Variants in SYT9 observed in about 807,000 individuals in gnomAD.
SYT9 encodes the protein synaptotagmin 9.
A neutral mutation model predicts 48.4 loss-of-function variants in SYT9; 22 were observed. That is an observed-to-expected ratio of 0.45 (90% CI 0.32 to 0.65). The LOEUF is 0.65. Ranked by LOEUF, SYT9 falls within the 30% of genes least tolerant of loss-of-function variation. SYT9 has a pLI of 0.03. For missense variants in SYT9, 577 were observed against 622.0 expected, an observed-to-expected ratio of 0.93 and a Z score of 0.77; for synonymous variants, 265 against 245.0, an observed-to-expected ratio of 1.08 and a Z score of -0.76.
intron 6 of SYT9, among the ~76,000 whole-genome samples, chr11:7,421,239 C>T (rs1006680062): frequency 2.6e-5 from 4 of 152,248 alleles, no homozygotes; most frequent in Admixed American, 2.0e-4. Context: ...TTCTGCCTCA[C>T]AGTCCCAGTG....
intron 3 of SYT9, among the ~76,000 whole-genome samples, chr11:7,348,402 C>A (rs1230723542): frequency 2.0e-5 from 3 of 152,200 alleles, no homozygotes; most frequent in Non-Finnish European, 2.9e-5. Context: ...CATTTCGGGT[C>A]AGTTTGCATC....
Position 7,381,929 on chromosome 11 carries a change from GGA to G in SYT9, c.1045-34111_1045-34110del, listed in dbSNP as rs1453440717. 2.6e-5 allele frequency among the ~76,000 whole-genome samples: 4 copies of G among 152,296 alleles called. No homozygotes were observed. The East Asian group carries it at 7.7e-4, about 29-fold the overall frequency. Reference sequence around the variant, plus strand: ...CACTGGTACTCCAGAAGCCTTTGGAGGAGGGGAATCCCAATCATGTGGGGAAG... The same window carrying G: ...CACTGGTACTCCAGAAGCCTTTGGAGGGGGAATCCCAATCATGTGGGGAAG... On this transcript the variant is annotated intron_variant, in intron 3 of 6. Transcript: ENST00000318881.
intron 1 of SYT9, among the ~76,000 whole-genome samples, chr11:7,291,329 G>C (rs1848693496): frequency 1.3e-5 from 2 of 152,212 alleles, no homozygotes; most frequent in South Asian, 2.1e-4. Flanking sequence ...CATGGTTTCA[G>C]TATTCATCAG....
chr11:7,386,678 G>T (rs1487851541), intron 3 of SYT9, among the ~76,000 whole-genome samples: 1 of 152,090 alleles, frequency 6.6e-6, no homozygotes, highest in East Asian at 1.9e-4. Flanking sequence ...GGAGAAATAG[G>T]AACACTTTTA....
intron 3 of SYT9, among the ~76,000 whole-genome samples, chr11:7,349,102 A>G (rs1849858739): frequency 6.6e-6 from 1 of 151,890 alleles, no homozygotes; most frequent in Non-Finnish European, 1.5e-5. Context: ...GTAGGTTTGG[A>G]ATAGGAGATT....
chr11:7,362,791 T>C (rs77384526), intron 3 of SYT9, among the ~76,000 whole-genome samples: 191 of 152,258 alleles, frequency 1.3e-3, no homozygotes, highest in African/African-American at 4.4e-3. Flanking sequence ...GATTTTAAAA[T>C]CCAATCAGTT....
At chr11:7,351,569 G>A (rs117098023) in intron 3 of SYT9, among the ~76,000 whole-genome samples, 3,170 of 152,228 alleles carry the variant, frequency 0.021, 44 homozygotes, top group Non-Finnish European at 0.033. Flanking sequence ...ATCTCCTTTT[G>A]TAAACACCAC....
chr11:7,294,406 T>C (rs539678590), intron 1 of SYT9, among the ~76,000 whole-genome samples: 1 of 152,304 alleles, frequency 6.6e-6, no homozygotes, highest in African/African-American at 2.4e-5. Context: ...CATCTAAATA[T>C]TATCTAAATT....
At chr11:7,316,475 G>A (rs1849245839) in intron 3 of SYT9, among the ~76,000 whole-genome samples, 1 of 151,966 alleles carries the variant, frequency 6.6e-6, no homozygotes, top group Admixed American at 6.6e-5. Flanking sequence ...GAGCAGCTGT[G>A]GCTTATGTAT....
At chr11:7,301,582 T>A (rs145155106) in intron 1 of SYT9, among the ~76,000 whole-genome samples, 178 of 152,364 alleles carry the variant, frequency 1.2e-3, no homozygotes, top group African/African-American at 4.2e-3. Context: ...TAATTTCTAA[T>A]TTTCTCCTTC....
chr11:7,417,847 AG>A, intron 4 of SYT9, 109 bp from the exon 5 acceptor site: 1 of 1,070,380 alleles, frequency 9.3e-7, no homozygotes, highest in Non-Finnish European at 1.3e-6. Flanking sequence ...GTCCACAGGC[AG>A]GTAAAGGAGT....
intron 6 of SYT9, chr11:7,440,809 A>T (rs1847816416): frequency 6.6e-6 from 1 of 152,228 alleles, no homozygotes; most frequent in Admixed American, 6.5e-5. Flanking sequence ...TCTTACAAAG[A>T]CATGGGGGAC....
chr11:7,300,905 G>A (rs1256018512), intron 1 of SYT9, among the ~76,000 whole-genome samples: 1 of 152,064 alleles, frequency 6.6e-6, no homozygotes, highest in Admixed American at 6.6e-5. Flanking sequence ...GCTCTTTGAG[G>A]TATAGTTCCT....
At chr11:7,420,730 T>C in intron 6 of SYT9, 95 bp downstream of exon 6, 1 of 1,499,356 alleles carries the variant, frequency 6.7e-7, no homozygotes, top group Non-Finnish European at 9.2e-7. Flanking sequence ...CACCAGGATC[T>C]ATGGTCATAG....
chr11:7,317,093 G>A (rs1446224717), intron 3 of SYT9, among the ~76,000 whole-genome samples: 9 of 152,126 alleles, frequency 5.9e-5, no homozygotes, highest in Non-Finnish European at 1.0e-4. Context: ...ATAAATAGAG[G>A]TTATGTTTGG....
At chr11:7,247,151 CAT>C (rs1018337963), upstream of SYT9, among the ~76,000 whole-genome samples, 28 of 152,168 alleles carry the variant, frequency 1.8e-4, 1 homozygote, top group South Asian at 1.3e-3. Flanking sequence ...TGTTTGGTTA[CAT>C]GATTAAATTC....
chr11:7,342,232 C>G (rs1849726796), intron 3 of SYT9, among the ~76,000 whole-genome samples: 1 of 152,140 alleles, frequency 6.6e-6, no homozygotes, highest in African/African-American at 2.4e-5. Flanking sequence ...CAAAGTCCCC[C>G]AAAGTCTTAA....
chr11:7,331,629 T>G (rs1375421857), intron 3 of SYT9, among the ~76,000 whole-genome samples: 2 of 152,002 alleles, frequency 1.3e-5, no homozygotes, highest in African/African-American at 4.8e-5. Flanking sequence ...AGGGCTGAGG[T>G]GGGAGCATCA....
At chr11:7,364,801 A>G (rs1003115056) in intron 3 of SYT9, among the ~76,000 whole-genome samples, 3 of 152,204 alleles carry the variant, frequency 2.0e-5, no homozygotes, top group Admixed American at 2.0e-4. Context: ...GATAAATGCA[A>G]AGCATCACTA....
Sources: gnomAD v4.1 joint callset for allele counts (sites outside exome capture counted in the v4.1 genomes callset) on GRCh38, gnomAD v4.1.1 for gene constraint, MANE v1.5 for transcripts, NCBI Gene and HGNC (gene_info 2026-07-23, HGNC 2026-07-21) for gene names.